Variants in CDH18 observed in about 807,000 individuals in gnomAD.
The protein encoded by CDH18 is cadherin 18, also known as cadherin-18.
A neutral mutation model predicts 67.9 loss-of-function variants in CDH18; 31 were observed. The ratio of observed to expected loss-of-function variants is 0.46; its 90% CI spans 0.34 to 0.62. CDH18 has a LOEUF of 0.62. Ranked by LOEUF, CDH18 falls within the 20% of genes least tolerant of loss-of-function variation. CDH18 has a pLI of 0.01. For synonymous variants in CDH18, 362 were observed against 347.2 expected (o/e 1.04, Z -0.48); for missense variants, 890 against 975.5 (o/e 0.91, Z 1.17).
intron 2 of CDH18, among the ~76,000 whole-genome samples, chr5:20,140,867 A>G (rs1750191184): frequency 6.6e-6 from 1 of 152,142 alleles, no homozygotes; most frequent in Admixed American, 6.6e-5. Context: ...TTTGTGACAT[A>G]CATTTCCATC....
chr5:20,192,830 A>C (rs542986635), intron 2 of CDH18, among the ~76,000 whole-genome samples: 1 of 152,162 alleles, frequency 6.6e-6, no homozygotes, highest in East Asian at 1.9e-4. Flanking sequence ...TCTTGGCTAT[A>C]CGAGGTCTTT....
rs549259708 is a variant in CDH18 at position 20,357,657 on chromosome 5, C to T, written c.-579-102152G>A. Among the ~76,000 whole-genome samples the T allele has an allele frequency of 2.6e-5, 4 of 152,096 alleles. No homozygotes were observed. The South Asian group carries it at 8.3e-4, about 32-fold the overall frequency. On this transcript the variant is annotated intron_variant, in intron 1 of 14. Transcript: ENST00000507958. The stretch of plus-strand genomic sequence containing the variant: ...GCTTTTGATAAAAGGTGAAAAAATA[C>T]CAGATGTTAGTGAGGCTGTGGAGAA...
At chr5:20,407,083 A>G (rs1746332065) in intron 1 of CDH18, among the ~76,000 whole-genome samples, 1 of 152,210 alleles carries the variant, frequency 6.6e-6, no homozygotes, top group Admixed American at 6.5e-5. Context: ...ATGAGATCCC[A>G]TATACACTAG....
intron 10 of CDH18, 140 bp from the exon 11 acceptor site, chr5:19,503,249 T>C: frequency 1.7e-6 from 1 of 595,704 alleles, no homozygotes; most frequent in Non-Finnish European, 3.0e-6. Flanking sequence ...ATTCAGGTCA[T>C]AAAACAATCA....
chr5:20,214,213 T>C (rs1170451721), intron 2 of CDH18, among the ~76,000 whole-genome samples: 2 of 151,926 alleles, frequency 1.3e-5, no homozygotes, highest in East Asian at 3.9e-4. Flanking sequence ...TAGACAAAAA[T>C]ATATTATGCT....
rs34718835 is a variant in CDH18 at position 20,266,571 on chromosome 5, A to ATTTTTTTTTTTTTTTTTTTTTTTT, written c.-579-11090_-579-11067dup. ...GGCACGTGCCGGCACGCCCGGCTGA[A>ATTTTTTTTTTTTTTTTTTTTTTTT]TTTTTTTTTTTTTTTTTTTTTTTTT... On this transcript the variant is annotated intron_variant, in intron 1 of 14. Coordinates refer to the CDH18 transcript ENST00000507958. Among the ~76,000 whole-genome samples, 29 of 59,184 alleles carry ATTTTTTTTTTTTTTTTTTTTTTTT rather than the reference A, an allele frequency of 4.9e-4. 1 individual carries two copies. Among genetic ancestry groups the ATTTTTTTTTTTTTTTTTTTTTTTT allele is most frequent in the South Asian group, 9.7e-4 (1 of 1,032 alleles). The allele number at this position is 59,184 out of a possible 152,430, so 38.8% of individuals were successfully genotyped here.
At chr5:20,200,326 G>T (rs972532095) in intron 2 of CDH18, among the ~76,000 whole-genome samples, 2 of 151,910 alleles carry the variant, frequency 1.3e-5, no homozygotes, top group Non-Finnish European at 2.9e-5. Context: ...CAAACTATGT[G>T]AGTTTCAAAA....
At chr5:20,481,520 C>T (rs1752810238) in intron 1 of CDH18, among the ~76,000 whole-genome samples, 1 of 152,092 alleles carries the variant, frequency 6.6e-6, no homozygotes. Flanking sequence ...ACACATATTT[C>T]TCCTCAGCAC....
At chr5:20,415,540 G>A (rs1170571471) in intron 1 of CDH18, among the ~76,000 whole-genome samples, 5 of 152,110 alleles carry the variant, frequency 3.3e-5, no homozygotes, top group African/African-American at 9.6e-5. Flanking sequence ...TTGGGAAGCC[G>A]AGGTGGGAGG....
At chr5:20,464,795 G>C (rs948912478) in intron 1 of CDH18, among the ~76,000 whole-genome samples, 2 of 152,076 alleles carry the variant, frequency 1.3e-5, no homozygotes, top group African/African-American at 2.4e-5. Context: ...AGAAGTTGGA[G>C]ACAATGCTAT....
rs565138910 is a variant in CDH18 at position 20,357,922 on chromosome 5, TA to T, written c.-579-102418del. Among the ~76,000 whole-genome samples, 1,180 of 148,064 alleles carry T rather than the reference TA, an allele frequency of 8.0e-3. 8 individuals are homozygous for T. The highest frequency in any genetic ancestry group is 0.032 in the South Asian group (149 of 4,650). On this transcript the variant is annotated intron_variant, in intron 1 of 14. Coordinates refer to the CDH18 transcript ENST00000507958. ...GATGCTCATCAACAGTGTGCAGGAT[TA>T]AAAAAAAAAATGTGGTTAATATATA... is the stretch of plus-strand genomic sequence containing the variant.
At chr5:20,230,135 A>G (rs1465871627) in intron 2 of CDH18, among the ~76,000 whole-genome samples, 2 of 152,142 alleles carry the variant, frequency 1.3e-5, no homozygotes, top group African/African-American at 4.8e-5. Context: ...ATGGTGCTCC[A>G]TTCATTAGGA....
intron 1 of CDH18, among the ~76,000 whole-genome samples, chr5:20,485,332 T>C (rs1157544612): frequency 1.3e-5 from 2 of 152,160 alleles, no homozygotes; most frequent in Non-Finnish European, 2.9e-5. Flanking sequence ...GTGTGTAATG[T>C]TTATTGGTCA....
chr5:19,869,431 T>A (rs1785969618), intron 2 of CDH18, among the ~76,000 whole-genome samples: 2 of 152,146 alleles, frequency 1.3e-5, no homozygotes, highest in Non-Finnish European at 2.9e-5. Flanking sequence ...TTTCACCCGA[T>A]AAAATGATCC....
At chr5:19,549,284 ACTT>A (rs1344548814) in intron 8 of CDH18, among the ~76,000 whole-genome samples, 8 of 151,868 alleles carry the variant, frequency 5.3e-5, no homozygotes, top group African/African-American at 9.7e-5. Flanking sequence ...AAAGCCTGGG[ACTT>A]CTTCTCACTC....
At chr5:19,799,180 T>C (rs1303197770) in intron 3 of CDH18, among the ~76,000 whole-genome samples, 2 of 152,166 alleles carry the variant, frequency 1.3e-5, no homozygotes, top group East Asian at 3.9e-4. Context: ...ATTTCACTTA[T>C]ATGGGATATC....
intron 2 of CDH18, among the ~76,000 whole-genome samples, chr5:20,204,965 A>T (rs1287240979): frequency 6.6e-6 from 1 of 151,944 alleles, no homozygotes; most frequent in African/African-American, 2.4e-5. Flanking sequence ...AAAAAAACTT[A>T]ACCACAAAGA....
chr5:19,849,608 A>G (rs893123112), intron 2 of CDH18, among the ~76,000 whole-genome samples: 6 of 88,482 alleles, frequency 6.8e-5, no homozygotes, highest in African/African-American at 1.8e-4. Context: ...ACATATATAT[A>G]CACGCATATA....
chr5:20,187,531 A>G (rs1240791766), intron 2 of CDH18, among the ~76,000 whole-genome samples: 1 of 151,914 alleles, frequency 6.6e-6, no homozygotes, highest in Non-Finnish European at 1.5e-5. Flanking sequence ...CCTGTATAAA[A>G]TAAAGAAGGA....
Sources: allele counts gnomAD v4.1 joint callset (sites outside exome capture counted in the v4.1 genomes callset), GRCh38; gene constraint gnomAD v4.1.1; transcripts MANE v1.5; gene names NCBI Gene and HGNC (gene_info 2026-07-23, HGNC 2026-07-21).